SBNO2: variants seen among roughly 807,000 people sequenced by gnomAD.
SBNO2 encodes the protein protein strawberry notch homolog 2.
A neutral mutation model predicts 146.3 loss-of-function variants in SBNO2; 89 were observed. The observed-to-expected ratio is 0.61, with a 90% confidence interval of 0.51 to 0.73. The LOEUF (loss-of-function observed/expected upper bound fraction) is 0.73, where lower values mean the gene tolerates loss of function less well. Ranked by LOEUF, SBNO2 falls within the 30% of genes least tolerant of loss-of-function variation. The pLI, the probability that SBNO2 is intolerant of heterozygous loss-of-function variation, is 0.00. For missense variants in SBNO2, 2,092 were observed against 2,003.7 expected (o/e 1.04, Z -0.84); for synonymous variants, 1,147 against 892.6 (o/e 1.29, Z -5.08).
In SBNO2 at chr19:1,136,343, G is replaced by C. The variant is rs2080084357; in HGVS notation, c.280-8578C>G. On this transcript the variant is annotated intron_variant, in intron 4 of 31. Coordinates refer to ENST00000361757, the MANE Select transcript of SBNO2 (RefSeq NM_014963.3). The surrounding 1 kb of genome is among the most constrained non-coding windows in gnomAD (Gnocchi z 4.2). ...GGAAACTGGGCTCCCTTCTGTCAGG[G>C]TTCCGGCCAGGTGCCTGGTATGGGC... is the stretch of plus-strand genomic sequence containing the variant. Among the ~76,000 whole-genome samples, 1 of 152,238 alleles carries C rather than the reference G, an allele frequency of 6.6e-6. No individual in the cohort carries two copies.
In SBNO2 at chr19:1,173,366, CG is replaced by C. The variant is rs1396242253; in HGVS notation, c.-127+805del. Among the ~76,000 whole-genome samples the C allele has an allele frequency of 2.0e-5, 3 of 152,252 alleles. No homozygotes were observed. The highest frequency in any genetic ancestry group is 2.9e-5 in the Non-Finnish European group (2 of 68,046). On this transcript the variant is annotated intron_variant, in intron 1 of 31. Transcript: ENST00000361757. This position sits in a 1 kb window ranked among gnomAD's most constrained non-coding sequence, Gnocchi z 4.7. The stretch of plus-strand genomic sequence containing the variant: ...GCGACCCGCACTCCCACCCCCAACA[CG>C]CTCTGCAGACTCCGCCCAGACGGCC...
intron 4 of SBNO2, among the ~76,000 whole-genome samples, chr19:1,142,133 A>G (rs1295765504): frequency 3.5e-5 from 4 of 112,794 alleles, no homozygotes; most frequent in African/African-American, 7.6e-5. Context: ...CCCTCCCTCA[A>G]TGACCTCCCT....
In SBNO2 at chr19:1,113,579, C is replaced by A; in HGVS notation, c.2203G>T (p.Asp735Tyr). The A allele has an allele frequency of 6.2e-7, 1 of 1,601,204 alleles. No individual in the cohort carries two copies. The highest frequency in any genetic ancestry group is 8.5e-7 in the Non-Finnish European group (1 of 1,175,316). ...CCGCCCAGCTGGTCGATGAGCTCGT[C>A]CAGGGTGTTGACTGGCAGTTCCCGG... ...LGRELPVNTL[D>Y]ELIDQLGGPQ... is the part of the protein sequence containing the mutation. The change falls in exon 19 of 32, where the codon GAC (aspartate) becomes TAC (tyrosine). Residue 735 changes from aspartate (D) to tyrosine (Y), a missense_variant. By Grantham distance (160) the Asp-to-Tyr change is radical. Coordinates refer to ENST00000361757, the MANE Select transcript of SBNO2 (RefSeq NM_014963.3).
At chr19:1,148,265 G>T (rs907334734) in intron 3 of SBNO2, among the ~76,000 whole-genome samples, 3 of 152,026 alleles carry the variant, frequency 2.0e-5, no homozygotes, top group African/African-American at 7.3e-5. Context: ...GCATAGAAAG[G>T]TTTGCAAACA....
In SBNO2 at chr19:1,173,665, G is replaced by A. The variant is rs1023604931; in HGVS notation, c.-127+507C>T. 1 of 152,260 alleles carries A rather than the reference G, an allele frequency of 6.6e-6. No individual in the cohort carries two copies. The highest frequency in any genetic ancestry group is 1.9e-4 in the East Asian group (1 of 5,150). 9.4% of individuals were successfully genotyped at this position (152,260 alleles called of 1,614,324 possible). On this transcript the variant is annotated intron_variant, in intron 1 of 31. Coordinates refer to ENST00000361757, the MANE Select transcript of SBNO2 (RefSeq NM_014963.3). The surrounding 1 kb of genome is among the most constrained non-coding windows in gnomAD (Gnocchi z 4.7). ...AGAGACCGGGGGTCACTCCCAGGAA[G>A]GGGTCGAGGTCACGAGGCGCATGGA...
rs990989887 is a variant in SBNO2 at position 1,157,800 on chromosome 19, C to G, written c.-126-3398G>C. 2.7e-5 allele frequency among the ~76,000 whole-genome samples: 4 copies of G among 150,856 alleles called. No homozygotes were observed. The highest frequency in any genetic ancestry group is 5.9e-5 in the Non-Finnish European group (4 of 67,976). ...ATCCGAGGAACCGGGTAACTGTGTC[C>G]GCCTCCCAGCTCTCTCCTGAGTCCG... On this transcript the variant is annotated intron_variant, in intron 1 of 31. Transcript: ENST00000361757. The surrounding 1 kb of genome is among the most constrained non-coding windows in gnomAD (Gnocchi z 6.8).
chr19:1,125,644 G>A (rs889883621), intron 5 of SBNO2, among the ~76,000 whole-genome samples: 1 of 151,982 alleles, frequency 6.6e-6, no homozygotes, highest in African/African-American at 2.4e-5. Flanking sequence ...CTGCACTCCA[G>A]CCTGGGCGAC....
intron 4 of SBNO2, among the ~76,000 whole-genome samples, chr19:1,139,913 CACTCCAGCTTAGACACCAAAAGCAAA>C (rs1189050954): frequency 6.6e-6 from 1 of 152,104 alleles, no homozygotes; most frequent in Non-Finnish European, 1.5e-5. Context: ...CACACCATTG[CACTCCAGCTTAGACACCAAAAGCAAA>C]ACTCCATCTC....
At chr19:1,167,638 CGATGCCGGGA>C (rs1453957376) in intron 1 of SBNO2, among the ~76,000 whole-genome samples, 6 of 152,190 alleles carry the variant, frequency 3.9e-5, no homozygotes, top group African/African-American at 1.4e-4. Flanking sequence ...ACATTTGTGA[CGATGCCGGGA>C]CCCGAGGAAT....
intron 4 of SBNO2, among the ~76,000 whole-genome samples, chr19:1,138,389 T>G (rs1355700611): frequency 6.6e-6 from 1 of 151,752 alleles, no homozygotes; most frequent in Non-Finnish European, 1.5e-5. Flanking sequence ...AAGGGCCCCT[T>G]ATCCTCGAGC....
chr19:1,137,126 G>A (rs974910962), intron 4 of SBNO2, among the ~76,000 whole-genome samples: 11 of 147,194 alleles, frequency 7.5e-5, no homozygotes, highest in Admixed American at 5.5e-4. Context: ...GCAGTGAGGC[G>A]AGCAGGACCT....
rs1191438979 is a variant in SBNO2 at position 1,109,007 on chromosome 19, C to G, written c.3426-38G>C. 4 of 1,490,786 alleles carry G rather than the reference C, an allele frequency of 2.7e-6. No homozygotes were observed. The highest frequency in any genetic ancestry group is 3.6e-6 in the Non-Finnish European group (4 of 1,123,498). 92.3% of individuals were successfully genotyped at this position (1,490,786 alleles called of 1,614,324 possible). On this transcript the variant is annotated intron_variant, in intron 30 of 31. Coordinates refer to ENST00000361757, the MANE Select transcript of SBNO2 (RefSeq NM_014963.3). The surrounding 1 kb of genome is among the most constrained non-coding windows in gnomAD (Gnocchi z 4.2). ...CGGGTCGTCTCGGCTCAGGCGGGTC[C>G]CAGGGGCCCGCAGGCTCCCCAGGTG...
intron 4 of SBNO2, among the ~76,000 whole-genome samples, chr19:1,135,971 T>G (rs1420370172): frequency 6.6e-6 from 1 of 151,468 alleles, no homozygotes; most frequent in Non-Finnish European, 1.5e-5. Flanking sequence ...CTGGAAGCTG[T>G]GTGTGTGGCC....
chr19:1,144,971 CAG>C lies in SBNO2; in HGVS notation c.279+2336_279+2337del, dbSNP rs757992458. On this transcript the variant is annotated intron_variant, in intron 4 of 31. Coordinates refer to ENST00000361757, the MANE Select transcript of SBNO2 (RefSeq NM_014963.3). This position sits in a 1 kb window ranked among gnomAD's most constrained non-coding sequence, Gnocchi z 4.1. The stretch of plus-strand genomic sequence containing the variant: ...ACAGAGACAAAGAGGGAGACAGAGA[CAG>C]AGACTGAGAGGGAGACAGAGAGATG... Among the ~76,000 whole-genome samples, 63 of 142,260 alleles carry C rather than the reference CAG, an allele frequency of 4.4e-4. No individual in the cohort carries two copies. Among genetic ancestry groups the C allele is most frequent in the Non-Finnish European group, 8.0e-4 (53 of 66,018 alleles). The allele number at this position is 142,260 out of a possible 152,430, so 93.3% of individuals were successfully genotyped here.
rs1208745856 is a variant in SBNO2, at chr19:1,154,417, G to A, written c.-126-15C>T. The A allele has an allele frequency of 1.7e-5, 7 of 413,402 alleles. No individual in the cohort carries two copies. Among genetic ancestry groups the A allele is most frequent in the East Asian group, 1.5e-4 (4 of 27,320 alleles). The allele number at this position is 413,402 out of a possible 1,614,324, so 25.6% of individuals were successfully genotyped here. A position where few individuals can be genotyped will look rare whatever the true frequency, so the allele number is the denominator to read the frequency against. On this transcript the variant is annotated splice_polypyrimidine_tract_variant and intron_variant, in intron 1 of 31. Transcript: ENST00000361757. ...AGCATCATGATCTGCAGAGGGAGAC[G>A]GGGACGTCCTGAGAGTCCAACGGTG... is the stretch of plus-strand genomic sequence containing the variant.
chr19:1,155,637 T>C (rs781258954), intron 1 of SBNO2, among the ~76,000 whole-genome samples: 1 of 152,196 alleles, frequency 6.6e-6, no homozygotes, highest in Non-Finnish European at 1.5e-5. Context: ...CTCCACCTTC[T>C]GAGTTGAATA....
At chr19:1,160,034 C>A (rs1290787257) in intron 1 of SBNO2, among the ~76,000 whole-genome samples, 1 of 152,138 alleles carries the variant, frequency 6.6e-6, no homozygotes, top group Non-Finnish European at 1.5e-5. Context: ...CCCCCGCCTG[C>A]CCCGCCACGC....
At chr19:1,132,230 C>G in intron 4 of SBNO2, 1 of 1,305,676 alleles carries the variant, frequency 7.7e-7, no homozygotes, top group Non-Finnish European at 9.8e-7. Flanking sequence ...TTGGGTCGGC[C>G]GGGGCGGACG....
chr19:1,128,601 C>G (rs1008451608), intron 4 of SBNO2, among the ~76,000 whole-genome samples: 19 of 151,410 alleles, frequency 1.3e-4, no homozygotes, highest in African/African-American at 4.4e-4. Context: ...CCGTGTTGGT[C>G]AGGCTGGTCT....
Sources: gnomAD v4.1 joint callset for allele counts (sites outside exome capture counted in the v4.1 genomes callset) on GRCh38, gnomAD v4.1.1 for gene constraint, Gnocchi (gnomAD v3.1) non-coding constraint, MANE v1.5 for transcripts, NCBI Gene and HGNC (gene_info 2026-07-23, HGNC 2026-07-21) for gene names.